Variants in GDPD5 observed in about 807,000 individuals in gnomAD.
The protein encoded by GDPD5 is glycerophosphodiester phosphodiesterase 2.
GDPD5 carries 48 observed loss-of-function variants against 75.1 expected under a neutral mutation model. That is an observed-to-expected ratio of 0.64 (90% CI 0.51 to 0.81). The LOEUF is 0.81. Ranked by LOEUF, GDPD5 falls within the 40% of genes least tolerant of loss-of-function variation. The probability of loss-of-function intolerance (pLI) is 0.00; values close to 1 mark genes in which losing one functional copy is unlikely to be tolerated. For missense variants in GDPD5, 706 were observed against 822.6 expected, an observed-to-expected ratio of 0.86 and a Z score of 1.73; for synonymous variants, 336 against 339.0, an observed-to-expected ratio of 0.99 and a Z score of 0.10.
At chr11:75,518,711 C>T (rs1425405656) in intron 1 of GDPD5, among the ~76,000 whole-genome samples, 1 of 152,156 alleles carries the variant, frequency 6.6e-6, no homozygotes. Flanking sequence ...GTCCTCAAGG[C>T]CCCACAGCCA....
chr11:75,516,396 G>C (rs992045198), intron 1 of GDPD5, among the ~76,000 whole-genome samples: 1 of 152,220 alleles, frequency 6.6e-6, no homozygotes, highest in South Asian at 2.1e-4. Context: ...CTGGGTTGAT[G>C]TACCCTCTCT....
chr11:75,451,605 C>T (rs1949155541), intron 6 of GDPD5: 1 of 152,278 alleles, frequency 6.6e-6, no homozygotes, highest in South Asian at 2.1e-4. Context: ...AGAACCCCGC[C>T]CTCGGCACTC....
chr11:75,509,505 T>C (rs1950471427), intron 1 of GDPD5, among the ~76,000 whole-genome samples: 1 of 152,256 alleles, frequency 6.6e-6, no homozygotes, highest in Admixed American at 6.5e-5. Flanking sequence ...GGGGGATTAA[T>C]ATAAATTGGA....
chr11:75,482,712 G>T (rs1180903638), intron 2 of GDPD5, among the ~76,000 whole-genome samples: 1 of 151,068 alleles, frequency 6.6e-6, no homozygotes, highest in Non-Finnish European at 1.5e-5. Flanking sequence ...CCCTTCACCT[G>T]GTGAACACCT....
chr11:75,509,244 A>G (rs1454134543), intron 1 of GDPD5, among the ~76,000 whole-genome samples: 2 of 152,188 alleles, frequency 1.3e-5, no homozygotes, highest in Non-Finnish European at 2.9e-5. Flanking sequence ...CCTGGGTTGC[A>G]GCCAGGGAAG....
At chr11:75,517,222 A>C (rs974442382) in intron 1 of GDPD5, 5 of 152,188 alleles carry the variant, frequency 3.3e-5, no homozygotes, top group African/African-American at 9.7e-5. Context: ...TGGGAGGCTG[A>C]GGCAGGCGGA....
intron 2 of GDPD5, among the ~76,000 whole-genome samples, chr11:75,489,194 C>G (rs1950066762): frequency 6.6e-6 from 1 of 152,098 alleles, no homozygotes; most frequent in African/African-American, 2.4e-5. Context: ...AAAAAAGACT[C>G]AATTAGGTAC....
In GDPD5 at chr11:75,441,638, G is replaced by A. The variant is rs1948810010; in HGVS notation, c.1325+8C>T. On this transcript the variant is annotated splice_region_variant and intron_variant, in intron 13 of 16. Transcript: ENST00000336898. ...CTCTCCTGGAGGAGCCCAGGGCAGG[G>A]CAGGCACCTGAGCTCCTGGCGGGAC... 3 of 1,560,736 alleles carry A rather than the reference G, an allele frequency of 1.9e-6. No individual in the cohort carries two copies. The highest frequency in any genetic ancestry group is 1.4e-5 in the African/African-American group (1 of 73,632).
At chr11:75,521,972 G>A (rs933717762) in intron 1 of GDPD5, among the ~76,000 whole-genome samples, 2 of 152,118 alleles carry the variant, frequency 1.3e-5, no homozygotes, top group Non-Finnish European at 2.9e-5. Context: ...TCTAAATGGG[G>A]GCTCCATTAA....
intron 2 of GDPD5, among the ~76,000 whole-genome samples, chr11:75,483,053 C>G (rs1439299306): frequency 6.6e-6 from 1 of 152,230 alleles, no homozygotes; most frequent in African/African-American, 2.4e-5. Flanking sequence ...TCCACCATCC[C>G]TCACCAGCCC....
intron 1 of GDPD5, chr11:75,508,029 G>A (rs1172769157): frequency 6.6e-6 from 1 of 151,968 alleles, no homozygotes; most frequent in East Asian, 1.9e-4. Flanking sequence ...CAATGAGCCT[G>A]AGAATTAGGT....
intron 4 of GDPD5, among the ~76,000 whole-genome samples, chr11:75,458,697 T>A (rs1428369795): frequency 1.2e-4 from 7 of 58,200 alleles, no homozygotes; most frequent in Admixed American, 1.9e-4. Flanking sequence ...AATAAATAAA[T>A]AAAATAAATA....
intron 2 of GDPD5, among the ~76,000 whole-genome samples, chr11:75,483,885 G>C (rs1949970129): frequency 6.6e-6 from 1 of 152,090 alleles, no homozygotes; most frequent in Non-Finnish European, 1.5e-5. Context: ...GTTTCTTTTT[G>C]GGCTGGTGAA....
At chr11:75,483,995 T>C (rs1445792621) in intron 2 of GDPD5, among the ~76,000 whole-genome samples, 5 of 152,162 alleles carry the variant, frequency 3.3e-5, no homozygotes, top group African/African-American at 1.2e-4. Flanking sequence ...AAGACCAGCC[T>C]GGCCAACATG....
chr11:75,435,726 C>A, intron 16 of GDPD5, 71 bp from the exon 17 acceptor site: 2 of 1,494,344 alleles, frequency 1.3e-6, no homozygotes, highest in East Asian at 2.3e-5. Flanking sequence ...ACAGATGGGG[C>A]AGGAAGGCTG....
intron 9 of GDPD5, 39 bp from the exon 10 acceptor site, chr11:75,444,534 A>C: frequency 6.8e-7 from 1 of 1,466,586 alleles, no homozygotes; most frequent in Non-Finnish European, 9.6e-7. Context: ...GCCAAGATTC[A>C]GCTGATGTAC....
At chr11:75,465,327 G>C (rs1003889549) in intron 3 of GDPD5, among the ~76,000 whole-genome samples, 6 of 152,124 alleles carry the variant, frequency 3.9e-5, no homozygotes, top group African/African-American at 9.7e-5. Context: ...ACCTTTCTCT[G>C]CTCCATGAGG....
intron 1 of GDPD5, among the ~76,000 whole-genome samples, chr11:75,497,292 C>A (rs1479856860): frequency 1.3e-5 from 2 of 152,142 alleles, no homozygotes; most frequent in African/African-American, 4.8e-5. Flanking sequence ...CCAAGCGCAT[C>A]ATGTGAACAA....
intron 2 of GDPD5, among the ~76,000 whole-genome samples, chr11:75,481,637 G>C (rs779791919): frequency 1.5e-4 from 23 of 152,124 alleles, no homozygotes; most frequent in Non-Finnish European, 3.1e-4. Context: ...AGTGCTGCGT[G>C]CCCACATAGG....
Sources: gnomAD v4.1 joint callset for allele counts (sites outside exome capture counted in the v4.1 genomes callset) on GRCh38, gnomAD v4.1.1 for gene constraint, MANE v1.5 for transcripts, NCBI Gene and HGNC (gene_info 2026-07-23, HGNC 2026-07-21) for gene names.